MNAT1: variants seen among roughly 807,000 people sequenced by gnomAD.
MNAT1 encodes the protein CDK-activating kinase assembly factor MAT1.
In MNAT1, 43 loss-of-function variants were observed where a neutral mutation model predicts 42.0. The ratio of observed to expected loss-of-function variants is 1.02; its 90% confidence interval spans 0.80 to 1.32. The LOEUF (loss-of-function observed/expected upper bound fraction) is 1.32. Ranked by LOEUF, MNAT1 falls within the 40% of genes most tolerant of loss-of-function variation. The probability of loss-of-function intolerance (pLI) is 0.00; values close to 1 mark genes in which losing one functional copy is unlikely to be tolerated. For missense variants in MNAT1, 306 were observed against 350.4 expected (o/e 0.87, Z 1.01); for synonymous variants, 118 against 120.0 (o/e 0.98, Z 0.11).
chr14:60,881,613 T>C (rs2034553472), intron 7 of MNAT1, among the ~76,000 whole-genome samples: 1 of 151,908 alleles, frequency 6.6e-6, no homozygotes, highest in Non-Finnish European at 1.5e-5. Context: ...AGAAAAATTA[T>C]ATATATTTAA....
chr14:60,929,279 T>C (rs1008620592), intron 7 of MNAT1, among the ~76,000 whole-genome samples: 6 of 150,778 alleles, frequency 4.0e-5, no homozygotes, highest in Non-Finnish European at 7.4e-5. Context: ...GTATAACACA[T>C]TGAATTTTGA....
intron 1 of MNAT1, among the ~76,000 whole-genome samples, chr14:60,768,016 G>A (rs957725690): frequency 3.3e-5 from 5 of 151,686 alleles, no homozygotes; most frequent in Admixed American, 6.6e-5. Flanking sequence ...TGCCTGCCTC[G>A]GCCTCCCAAA....
At chr14:60,871,702 A>T (rs2034327445) in intron 6 of MNAT1, among the ~76,000 whole-genome samples, 1 of 151,508 alleles carries the variant, frequency 6.6e-6, no homozygotes, top group Non-Finnish European at 1.5e-5. Context: ...GGCTCATTGT[A>T]ACCTCTGTCT....
chr14:60,820,540 T>C (rs2032853639), intron 6 of MNAT1, among the ~76,000 whole-genome samples: 1 of 151,740 alleles, frequency 6.6e-6, no homozygotes, highest in Non-Finnish European at 1.5e-5. Context: ...TTGCAACTTT[T>C]TTTTTTTTTT....
intron 6 of MNAT1, among the ~76,000 whole-genome samples, chr14:60,869,044 T>A (rs181200016): frequency 0.044 from 3,118 of 70,426 alleles, 87 homozygotes; most frequent in Admixed American, 0.14. Context: ...ATATATATTT[T>A]TTTTTTTTTT....
At position 60,879,782 on chromosome 14, in the gene MNAT1, G is replaced by T; in HGVS notation, c.756G>T (p.Gln252His). The change falls in exon 7 of 8, where the codon CAG (glutamine) becomes CAT (histidine). Residue 252 changes from glutamine to histidine, a missense_variant. Gln to His is a conservative substitution (Grantham distance 24). Coordinates refer to ENST00000261245, the MANE Select transcript of MNAT1 (RefSeq NM_002431.4). ...EEALYEYQPLQIETYGPHVPE... is the reference protein window; with the variant it reads ...EEALYEYQPLHIETYGPHVPE... Reference sequence around the variant, plus strand: ...CTCTGTATGAATACCAGCCACTGCAGATAGAGACATATGGACCACATGTTC... The same window carrying T: ...CTCTGTATGAATACCAGCCACTGCATATAGAGACATATGGACCACATGTTC... 1 of 1,613,350 alleles carries T rather than the reference G, an allele frequency of 6.2e-7. No individual in the cohort carries two copies.
chr14:60,956,063 A>G (rs2036482714), intron 7 of MNAT1, among the ~76,000 whole-genome samples: 1 of 151,948 alleles, frequency 6.6e-6, no homozygotes, highest in Admixed American at 6.5e-5. Context: ...GCTTCCTTAC[A>G]CTAACTAGTT....
rs1042066226 is a variant in MNAT1, at chr14:60,779,978, A to G, written c.90-16239A>G. On this transcript the variant is annotated intron_variant, in intron 1 of 7. Transcript: ENST00000261245. ...TGTCCCTGGCCATGTGTCCCTGGCC[A>G]TGGCGCTGCAGCTCTCCCGGGAGCA... 3.8e-6 allele frequency: 6 copies of G among 1,558,512 alleles called. No individual in the cohort carries two copies. The Admixed American group carries it at 8.4e-5, about 22-fold the overall frequency.
intron 7 of MNAT1, among the ~76,000 whole-genome samples, chr14:60,885,006 A>G (rs956287284): frequency 5.5e-4 from 83 of 152,048 alleles, no homozygotes; most frequent in African/African-American, 1.8e-3. Context: ...CCTTCATGCC[A>G]GTCTCTTCTG....
chr14:60,938,119 A>G (rs2036048673), intron 7 of MNAT1, among the ~76,000 whole-genome samples: 2 of 152,008 alleles, frequency 1.3e-5, no homozygotes, highest in Non-Finnish European at 1.5e-5. Context: ...GCTTGAGGAG[A>G]TTTTGGGCCA....
At chr14:60,765,864 G>A (rs2030793426) in intron 1 of MNAT1, among the ~76,000 whole-genome samples, 1 of 152,038 alleles carries the variant, frequency 6.6e-6, no homozygotes, top group Non-Finnish European at 1.5e-5. Flanking sequence ...TTAAAGTGTA[G>A]AATCCTCAAA....
At chr14:60,932,785 A>T (rs1174600112) in intron 7 of MNAT1, among the ~76,000 whole-genome samples, 1 of 152,048 alleles carries the variant, frequency 6.6e-6, no homozygotes, top group Non-Finnish European at 1.5e-5. Context: ...GTTAGAGATC[A>T]TACTTATTTC....
At chr14:60,769,651 A>T (rs1012826071) in intron 1 of MNAT1, among the ~76,000 whole-genome samples, 2 of 150,400 alleles carry the variant, frequency 1.3e-5, no homozygotes, top group African/African-American at 2.4e-5. Context: ...TTTAAAAATT[A>T]AAAAAAAAAT....
chr14:60,855,498 AGT>A (rs1483485684), intron 6 of MNAT1, among the ~76,000 whole-genome samples: 1 of 152,138 alleles, frequency 6.6e-6, no homozygotes, highest in Admixed American at 6.5e-5. Flanking sequence ...CCGTGGGAAA[AGT>A]GTAGTATCTG....
At chr14:60,809,203 T>C (rs2032468926) in intron 4 of MNAT1, among the ~76,000 whole-genome samples, 1 of 152,152 alleles carries the variant, frequency 6.6e-6, no homozygotes, top group Non-Finnish European at 1.5e-5. Flanking sequence ...TGAGATACTT[T>C]ATCAGGATTT....
rs2034961442 is a variant in MNAT1, at chr14:60,896,620, G to A, written c.809+16785G>A. On this transcript the variant is annotated intron_variant, in intron 7 of 7. Transcript: ENST00000261245. Reference sequence around the variant, plus strand: ...CCTGCTTCAACCTTCTGAGTAGCTGGAAAAACAGGCGCACACCACCATGCC... The same window carrying A: ...CCTGCTTCAACCTTCTGAGTAGCTGAAAAAACAGGCGCACACCACCATGCC... 2.0e-5 allele frequency among the ~76,000 whole-genome samples: 3 copies of A among 152,176 alleles called. No individual in the cohort carries two copies. The South Asian group carries it at 6.2e-4, about 32-fold the overall frequency.
At chr14:60,747,900 T>C (rs1033333746) in intron 1 of MNAT1, among the ~76,000 whole-genome samples, 1 of 152,198 alleles carries the variant, frequency 6.6e-6, no homozygotes, top group Non-Finnish European at 1.5e-5. Context: ...TTTTTTTCTA[T>C]TGAAAACATT....
chr14:60,738,393 C>G (rs999033380), intron 1 of MNAT1, among the ~76,000 whole-genome samples: 5 of 151,114 alleles, frequency 3.3e-5, no homozygotes, highest in Non-Finnish European at 2.9e-5. Flanking sequence ...GTAGCTGGGA[C>G]TACAGTCGCA....
Position 60,905,255 on chromosome 14 carries a change from T to C in MNAT1, c.809+25420T>C, listed in dbSNP as rs554678149. ...CAGTACATTATTGAATCTGTTAAGA[T>C]GCTGTTAGATGTTTCTATGAAAGAT... On this transcript the variant is annotated intron_variant, in intron 7 of 7. Coordinates refer to ENST00000261245, the MANE Select transcript of MNAT1 (RefSeq NM_002431.4). 3.3e-5 allele frequency among the ~76,000 whole-genome samples: 5 copies of C among 152,200 alleles called. No individual in the cohort carries two copies. In the South Asian group the frequency reaches 1.0e-3, roughly 32 times the overall value.
Sources: gnomAD v4.1 joint callset for allele counts (sites outside exome capture counted in the v4.1 genomes callset) on GRCh38, gnomAD v4.1.1 for gene constraint, MANE v1.5 for transcripts, NCBI Gene and HGNC (gene_info 2026-07-23, HGNC 2026-07-21) for gene names.